The following PELI2 variants were observed in gnomAD, a reference collection of about 807,000 sequenced individuals.
The protein encoded by PELI2 is pellino E3 ubiquitin protein ligase family member 2, also known as E3 ubiquitin-protein ligase pellino homolog 2.
PELI2 carries 23 observed loss-of-function variants against 42.3 expected under a neutral mutation model. The observed-to-expected ratio is 0.54, with a 90% CI of 0.39 to 0.77. PELI2 has a LOEUF of 0.77. PELI2 is among the 30% of genes least tolerant of loss of function. The pLI is 0.00. For synonymous variants in PELI2, 245 were observed against 212.2 expected (o/e 1.15, Z -1.34); for missense variants, 463 against 553.2 (o/e 0.84, Z 1.64).
intron 2 of PELI2, among the ~76,000 whole-genome samples, chr14:56,258,569 C>A (rs1888602074): frequency 1.5e-5 from 2 of 134,726 alleles, no homozygotes. Flanking sequence ...TGAAAAATAA[C>A]ATGTCTGAAA....
intron 1 of PELI2, among the ~76,000 whole-genome samples, chr14:56,140,170 A>T (rs1378807058): frequency 6.6e-6 from 1 of 152,102 alleles, no homozygotes; most frequent in Non-Finnish European, 1.5e-5. Flanking sequence ...GTGCTGTTAC[A>T]TCTGAAAGGT....
intron 2 of PELI2, among the ~76,000 whole-genome samples, chr14:56,213,773 T>A (rs999066320): frequency 1.3e-5 from 2 of 152,190 alleles, no homozygotes; most frequent in Admixed American, 6.5e-5. Flanking sequence ...ATTATTTATT[T>A]AGTTGGATTT....
intron 2 of PELI2, among the ~76,000 whole-genome samples, chr14:56,189,932 G>A (rs1885899517): frequency 6.6e-6 from 1 of 152,170 alleles, no homozygotes; most frequent in Non-Finnish European, 1.5e-5. Context: ...ACAGGAGAAT[G>A]TACTTACCAA....
At chr14:56,202,800 A>C (rs1886379041) in intron 2 of PELI2, among the ~76,000 whole-genome samples, 1 of 152,214 alleles carries the variant, frequency 6.6e-6, no homozygotes, top group South Asian at 2.1e-4. Flanking sequence ...GAATCTGATT[A>C]TTGAGAAACA....
At chr14:56,226,609 A>G (rs545609141) in intron 2 of PELI2, among the ~76,000 whole-genome samples, 9 of 152,320 alleles carry the variant, frequency 5.9e-5, no homozygotes, top group African/African-American at 1.7e-4. Flanking sequence ...ATGAAGTCGT[A>G]GTTTACCTTC....
intron 1 of PELI2, 89 bp downstream of exon 1, chr14:56,118,826 C>T: frequency 7.2e-6 from 6 of 839,026 alleles, no homozygotes; most frequent in South Asian, 5.1e-5. Flanking sequence ...GCTCGGTGCT[C>T]TTTGGGGACC....
At chr14:56,194,798 AG>A (rs1221519191) in intron 2 of PELI2, among the ~76,000 whole-genome samples, 2 of 151,966 alleles carry the variant, frequency 1.3e-5, no homozygotes, top group Admixed American at 1.3e-4. Flanking sequence ...ATACCCTTCT[AG>A]CCTCCTTTCC....
intron 2 of PELI2, among the ~76,000 whole-genome samples, chr14:56,255,404 C>A (rs1211977733): frequency 6.6e-6 from 1 of 152,074 alleles, no homozygotes. Flanking sequence ...CCAAACACCA[C>A]ATATTCTCAC....
Position 56,290,302 on chromosome 14 carries a change from A to T in PELI2, c.542A>T (p.His181Leu). 6.2e-7 allele frequency: 1 copy of T among 1,603,448 alleles called. No individual in the cohort carries two copies. The change falls in exon 5 of 6, where the codon CAC becomes CTC. Residue 181 changes from histidine to leucine, a missense_variant. Around this residue, in one of 3 missense-constraint regions of PELI2, gnomAD observed 343 missense variants for 378.4 expected, o/e 0.91. Transcript: ENST00000267460. ...GCAAAGTGGAAAAACCCCGACGGCC[A>T]CATGGATGGGCTCACTACTAATGGC... ...KAAKWKNPDGHMDGLTTNGVL... is the reference protein window; with the variant it reads ...KAAKWKNPDGLMDGLTTNGVL...
At chr14:56,240,723 A>T (rs1320745453) in intron 2 of PELI2, among the ~76,000 whole-genome samples, 1 of 152,076 alleles carries the variant, frequency 6.6e-6, no homozygotes, top group Admixed American at 6.6e-5. Context: ...GGGTAAAGAG[A>T]TGCTGATGCT....
At chr14:56,204,488 G>A (rs1295388936) in intron 2 of PELI2, among the ~76,000 whole-genome samples, 1 of 152,160 alleles carries the variant, frequency 6.6e-6, no homozygotes, top group Non-Finnish European at 1.5e-5. Flanking sequence ...CTTTTTCTTG[G>A]AGGGAGTAGA....
At chr14:56,254,550 C>CCAAGCAAT (rs1392236517) in intron 2 of PELI2, among the ~76,000 whole-genome samples, 1 of 152,012 alleles carries the variant, frequency 6.6e-6, no homozygotes, top group African/African-American at 2.4e-5. Context: ...AGAAGAAAAC[C>CCAAGCAAT]CAAGCAATAC....
rs1889701825 is a variant in PELI2 at position 56,288,095 on chromosome 14, G to A, written c.310-342G>A. 6.6e-6 allele frequency among the ~76,000 whole-genome samples: 1 copy of A among 152,176 alleles called. No individual in the cohort carries two copies. The highest frequency in any genetic ancestry group is 1.5e-5 in the Non-Finnish European group (1 of 68,030). The stretch of plus-strand genomic sequence containing the variant: ...TGAACTAGTGAGTGGCATAAAGTGA[G>A]TTAAGCAAGATGAGTAAGTTCTAGA... On this transcript the variant is annotated intron_variant, in intron 3 of 5. Coordinates refer to ENST00000267460, the MANE Select transcript of PELI2 (RefSeq NM_021255.3). This position sits in a 1 kb window ranked among gnomAD's most constrained non-coding sequence, Gnocchi z 4.6.
At position 56,219,153 on chromosome 14, in the gene PELI2, T is replaced by TTTA. The variant is rs199667470; in HGVS notation, c.207+40691_207+40692insATT. 2.5e-3 allele frequency among the ~76,000 whole-genome samples: 378 copies of TTTA among 151,556 alleles called. No homozygotes were observed. The highest frequency in any genetic ancestry group is 6.4e-3 in the East Asian group (33 of 5,170). The stretch of plus-strand genomic sequence containing the variant: ...CTGGTCTCTTAATTCCTTTTTTATT[T>TTTA]TTTTTTGGATGACTTGAGGACAATA... On this transcript the variant is annotated intron_variant, in intron 2 of 5. Transcript: ENST00000267460. This position sits in a 1 kb window ranked among gnomAD's most constrained non-coding sequence, Gnocchi z 4.1.
rs917331185 is a variant in PELI2 at position 56,299,561 on chromosome 14, C to G, written c.*2395C>G. On this transcript the variant is annotated 3_prime_UTR_variant, in exon 6 of 6. Coordinates refer to ENST00000267460, the MANE Select transcript of PELI2 (RefSeq NM_021255.3). ...AAATCAGCAAAAAGGACACCAGGCTCTTCTTGGCCACTTGTAGGAAGATCC... is the reference window on the plus strand; with the variant it reads ...AAATCAGCAAAAAGGACACCAGGCTGTTCTTGGCCACTTGTAGGAAGATCC... 1.3e-5 allele frequency: 2 copies of G among 152,156 alleles called. No individual in the cohort carries two copies. Among genetic ancestry groups the G allele is most frequent in the Non-Finnish European group, 2.9e-5 (2 of 68,040 alleles). The allele number at this position is 152,156 out of a possible 1,614,324, so 9.4% of individuals were successfully genotyped here. A position where few individuals can be genotyped will look rare whatever the true frequency, so the allele number is the denominator to read the frequency against.
intron 2 of PELI2, among the ~76,000 whole-genome samples, chr14:56,210,396 C>G (rs1594641949): frequency 6.6e-6 from 1 of 151,036 alleles, no homozygotes; most frequent in African/African-American, 2.4e-5. Flanking sequence ...TCAGTGGCTT[C>G]TGTGTTTTAT....
At chr14:56,121,238 CT>C (rs113894864) in intron 1 of PELI2, among the ~76,000 whole-genome samples, 789 of 135,830 alleles carry the variant, frequency 5.8e-3, no homozygotes, top group Middle Eastern at 7.8e-3. Context: ...AAATTCAGTG[CT>C]TTTTTTTTTT....
chr14:56,171,538 G>T (rs985720022), intron 1 of PELI2, among the ~76,000 whole-genome samples: 5 of 152,216 alleles, frequency 3.3e-5, no homozygotes, highest in Non-Finnish European at 4.4e-5. Context: ...CAGCCAGCTT[G>T]TAGGTTTTCA....
intron 3 of PELI2, 29 bp downstream of exon 3, chr14:56,279,806 T>C (rs1889416123): frequency 8.6e-7 from 1 of 1,169,568 alleles, no homozygotes; most frequent in African/African-American, 1.5e-5. Context: ...AATAGAAATT[T>C]TAGCACGTTT....
Sources: gnomAD v4.1 joint callset for allele counts (sites outside exome capture counted in the v4.1 genomes callset) on GRCh38, gnomAD v4.1.1 for gene constraint, gnomAD v4.1.1 regional missense constraint, Gnocchi (gnomAD v3.1) non-coding constraint, MANE v1.5 for transcripts, NCBI Gene and HGNC (gene_info 2026-07-23, HGNC 2026-07-21) for gene names.